The following NAA11 variants were observed in gnomAD, a reference collection of about 807,000 sequenced individuals.
NAA11 encodes N-alpha-acetyltransferase 11.
A neutral mutation model predicts 16.1 loss-of-function variants in NAA11; 15 were observed. That is an observed-to-expected ratio of 0.93 (90% CI 0.62 to 1.44). The LOEUF is 1.44. NAA11 is among the 40% of genes most tolerant of loss of function. The probability of loss-of-function intolerance (pLI) is 0.00; values close to 1 mark genes in which losing one functional copy is unlikely to be tolerated. For missense variants in NAA11, 298 were observed against 291.3 expected, an observed-to-expected ratio of 1.02 and a Z score of -0.17; for synonymous variants, 122 against 112.4, an observed-to-expected ratio of 1.09 and a Z score of -0.54.
intron 2 of NAA11, among the ~76,000 whole-genome samples, chr4:79,240,845 C>T (rs1159349737): frequency 6.6e-6 from 1 of 152,006 alleles, no homozygotes; most frequent in East Asian, 1.9e-4. Context: ...TATATTCATG[C>T]TCAATGGCAA....
the NAA11 span, among the ~76,000 whole-genome samples, chr4:79,201,076 C>T: frequency 2.0e-5 from 3 of 151,012 alleles, no homozygotes. Context: ...CAAATTTTTC[C>T]TTACGTTTCA....
At chr4:79,284,211 A>G (rs539171551) in intron 2 of NAA11, among the ~76,000 whole-genome samples, 1 of 152,220 alleles carries the variant, frequency 6.6e-6, no homozygotes, top group East Asian at 1.9e-4. Context: ...TATTAATTTG[A>G]AAGGCTCTAC....
At chr4:79,280,978 T>C (rs1028214179) in intron 2 of NAA11, among the ~76,000 whole-genome samples, 1 of 151,966 alleles carries the variant, frequency 6.6e-6, no homozygotes, top group African/African-American at 2.4e-5. Context: ...GGGAGTGATA[T>C]AAGAATAGTG....
chr4:79,166,191 A>G, the NAA11 span, among the ~76,000 whole-genome samples: 4 of 152,184 alleles, frequency 2.6e-5, no homozygotes, highest in African/African-American at 7.2e-5. Flanking sequence ...TATCATCTTA[A>G]CTTAAAATTG....
chr4:79,293,937 A>C (rs1359756206), intron 2 of NAA11: 1 of 152,230 alleles, frequency 6.6e-6, no homozygotes, highest in African/African-American at 2.4e-5. Context: ...TAGTTATCTC[A>C]GGAGTGGTGT....
the NAA11 span, among the ~76,000 whole-genome samples, chr4:79,162,124 A>G: frequency 1.3e-5 from 2 of 152,080 alleles, no homozygotes; most frequent in African/African-American, 2.4e-5. Flanking sequence ...TATTTTTACA[A>G]TGTTTATTGC....
the NAA11 span, among the ~76,000 whole-genome samples, chr4:79,170,581 C>T: frequency 5.3e-5 from 8 of 152,062 alleles, no homozygotes; most frequent in Admixed American, 1.3e-4. Flanking sequence ...ATTTTGGCTC[C>T]GTTTCAGGGA....
the NAA11 span, among the ~76,000 whole-genome samples, chr4:79,194,683 G>A: frequency 5.9e-5 from 9 of 152,230 alleles, no homozygotes; most frequent in Admixed American, 2.0e-4. Context: ...GCTTAAGCAG[G>A]TAAGGAGTTT....
the NAA11 span, among the ~76,000 whole-genome samples, chr4:79,211,333 T>C: frequency 6.6e-6 from 1 of 152,190 alleles, no homozygotes; most frequent in Non-Finnish European, 1.5e-5. Flanking sequence ...TCATAATTTG[T>C]CTTCGGTGAG....
chr4:79,186,323 G>A, the NAA11 span, among the ~76,000 whole-genome samples: 2 of 152,162 alleles, frequency 1.3e-5, no homozygotes, highest in Non-Finnish European at 2.9e-5. Flanking sequence ...TCTGAGTACA[G>A]AAATACTTTG....
chr4:79,253,523 C>T (rs1722038996), intron 2 of NAA11, among the ~76,000 whole-genome samples: 2 of 151,834 alleles, frequency 1.3e-5, no homozygotes, highest in Non-Finnish European at 2.9e-5. Context: ...AGAGGAGAAC[C>T]AGTTGAAGAG....
intron 1 of NAA11, 54 bp downstream of exon 1, chr4:79,325,122 G>T: frequency 6.9e-7 from 1 of 1,445,406 alleles, no homozygotes; most frequent in Non-Finnish European, 9.3e-7. Flanking sequence ...GCAGGCCAAG[G>T]CAGGATGCAG....
the NAA11 span, among the ~76,000 whole-genome samples, chr4:79,167,691 C>T: frequency 6.6e-6 from 1 of 151,944 alleles, no homozygotes; most frequent in Non-Finnish European, 1.5e-5. Flanking sequence ...TTAATTGGCT[C>T]ATGATTCCAC....
the NAA11 span, among the ~76,000 whole-genome samples, chr4:79,203,978 A>G: frequency 6.6e-6 from 1 of 151,932 alleles, no homozygotes; most frequent in South Asian, 2.1e-4. Flanking sequence ...ATGTTTGCAT[A>G]GTAAATGGGC....
In NAA11 at chr4:79,266,345, C is replaced by G. The variant is rs373687884; in HGVS notation, c.*122+27660G>C. Among the ~76,000 whole-genome samples the G allele has an allele frequency of 1.6e-4, 24 of 152,272 alleles. No homozygotes were observed. In the East Asian group the frequency reaches 2.9e-3, roughly 18 times the overall value. ...CAGGCAACCTGATGTGCACTCTCCC[C>G]CTCTGGAAAAACAACAAATCACATA... On this transcript the variant is annotated intron_variant and NMD_transcript_variant, in intron 2 of 2. Coordinates refer to the NAA11 transcript ENST00000511542.
At chr4:79,187,943 G>A in the NAA11 span, among the ~76,000 whole-genome samples, 1 of 146,018 alleles carries the variant, frequency 6.8e-6, no homozygotes, top group African/African-American at 2.6e-5. Flanking sequence ...AGCTTGCAGT[G>A]AGCCGAGATC....
chr4:79,279,430 A>G (rs1030329325), intron 2 of NAA11, among the ~76,000 whole-genome samples: 4 of 152,128 alleles, frequency 2.6e-5, no homozygotes, highest in Non-Finnish European at 4.4e-5. Flanking sequence ...GCTAAACACA[A>G]CTAGAAATTT....
At chr4:79,202,293 G>A in the NAA11 span, among the ~76,000 whole-genome samples, 3 of 151,464 alleles carry the variant, frequency 2.0e-5, no homozygotes, top group Non-Finnish European at 4.4e-5. Context: ...TCTGTCATTT[G>A]CAACAACGTG....
the NAA11 span, among the ~76,000 whole-genome samples, chr4:79,157,241 A>C: frequency 3.6e-4 from 55 of 152,140 alleles, no homozygotes; most frequent in East Asian, 7.7e-3. Flanking sequence ...GTAGTCTTTT[A>C]TCTCTCACCC....
Sources: allele counts gnomAD v4.1 joint callset (sites outside exome capture counted in the v4.1 genomes callset), GRCh38; gene constraint gnomAD v4.1.1; transcripts MANE v1.5; gene names NCBI Gene and HGNC (gene_info 2026-07-23, HGNC 2026-07-21).